ANTXR2: variants seen among roughly 807,000 people sequenced by gnomAD.
The protein encoded by ANTXR2 is anthrax toxin receptor 2.
ANTXR2 carries 44 observed loss-of-function variants against 73.7 expected under a neutral mutation model. That is an observed-to-expected ratio of 0.60 (90% CI 0.47 to 0.77). The LOEUF is 0.77. Among genes scored for constraint, ANTXR2 ranks in the 30% least tolerant of loss-of-function variants. ANTXR2 has a pLI of 0.00. For missense variants in ANTXR2, 604 were observed against 592.5 expected (o/e 1.02, Z -0.20); for synonymous variants, 217 against 205.9 (o/e 1.05, Z -0.46).
intron 10 of ANTXR2, chr4:80,024,852 T>C (rs954919912): frequency 3.6e-6 from 1 of 279,082 alleles, no homozygotes; most frequent in Non-Finnish European, 7.3e-6. Context: ...AGGGTGAGAA[T>C]ATGAAGTCAC....
intron 3 of ANTXR2, among the ~76,000 whole-genome samples, chr4:80,063,413 A>C (rs1734352335): frequency 2.1e-5 from 3 of 142,832 alleles, no homozygotes; most frequent in Admixed American, 2.1e-4. Context: ...TGATTCCAAG[A>C]TAGTAACATT....
At chr4:79,959,556 C>T (rs1729066930) in intron 16 of ANTXR2, among the ~76,000 whole-genome samples, 1 of 152,162 alleles carries the variant, frequency 6.6e-6, no homozygotes, top group African/African-American at 2.4e-5. Context: ...TATCTGATGG[C>T]ATAGGAGACT....
At chr4:80,030,570 A>C (rs887840640) in intron 10 of ANTXR2, among the ~76,000 whole-genome samples, 22 of 152,094 alleles carry the variant, frequency 1.4e-4, no homozygotes, top group African/African-American at 4.8e-4. Flanking sequence ...TAGTTTTGTA[A>C]GCCATCTTGT....
At chr4:79,950,245 A>G (rs1728656034) in intron 16 of ANTXR2, among the ~76,000 whole-genome samples, 1 of 152,162 alleles carries the variant, frequency 6.6e-6, no homozygotes, top group South Asian at 2.1e-4. Context: ...AATAGTTACT[A>G]TTTGTGCTAT....
chr4:80,011,292 T>TATCTATCTATCTGTCTATC (rs1215578054), intron 11 of ANTXR2, among the ~76,000 whole-genome samples: 2 of 151,698 alleles, frequency 1.3e-5, no homozygotes, highest in Admixed American at 6.6e-5. Flanking sequence ...TCTATCTATC[T>TATCTATCTATCTGTCTATC]ATCTATCTAT....
intron 11 of ANTXR2, among the ~76,000 whole-genome samples, chr4:80,015,908 AAGG>A (rs1468458959): frequency 4.1e-3 from 242 of 59,334 alleles, no homozygotes; most frequent in East Asian, 0.014. Context: ...AAGGAAAGGA[AAGG>A]AAAGGAAAGG....
intron 7 of ANTXR2, among the ~76,000 whole-genome samples, chr4:80,052,594 T>C (rs1291596987): frequency 2.0e-5 from 3 of 151,638 alleles, no homozygotes; most frequent in Admixed American, 1.3e-4. Context: ...TGTGAGCACA[T>C]AGCTGAAATT....
chr4:79,990,383 C>CA (rs70944757), intron 12 of ANTXR2, among the ~76,000 whole-genome samples: 11,208 of 76,836 alleles, frequency 0.15, 2,489 homozygotes, highest in African/African-American at 0.45. Context: ...ACAACAGTTA[C>CA]AAAAAAAAAA....
At chr4:80,028,065 G>A (rs1410930079) in intron 10 of ANTXR2, among the ~76,000 whole-genome samples, 1 of 151,982 alleles carries the variant, frequency 6.6e-6, no homozygotes, top group Non-Finnish European at 1.5e-5. Context: ...AGTAAACCGT[G>A]TTCATCCAAA....
At chr4:79,961,368 G>A (rs925415916) in intron 16 of ANTXR2, among the ~76,000 whole-genome samples, 9 of 151,858 alleles carry the variant, frequency 5.9e-5, no homozygotes, top group Non-Finnish European at 1.0e-4. Context: ...ACAGCCATAC[G>A]TTGAGCCTCA....
At chr4:79,950,704 T>C (rs1033214078) in intron 16 of ANTXR2, among the ~76,000 whole-genome samples, 21 of 152,200 alleles carry the variant, frequency 1.4e-4, no homozygotes, top group Admixed American at 8.5e-4. Context: ...GACCAGACTG[T>C]TCCTCAGTCC....
At chr4:80,025,991 A>G (rs1003773637) in intron 10 of ANTXR2, among the ~76,000 whole-genome samples, 23 of 152,140 alleles carry the variant, frequency 1.5e-4, no homozygotes, top group Non-Finnish European at 3.1e-4. Flanking sequence ...TGTGTTTTTT[A>G]ATAACATTCT....
At chr4:80,020,352 C>A (rs1038533554) in intron 10 of ANTXR2, among the ~76,000 whole-genome samples, 3 of 151,994 alleles carry the variant, frequency 2.0e-5, no homozygotes, top group Non-Finnish European at 4.4e-5. Flanking sequence ...AGCCACTGCA[C>A]TCCAGCTTCA....
chr4:79,952,075 C>T (rs1031529618), intron 16 of ANTXR2, among the ~76,000 whole-genome samples: 2 of 139,142 alleles, frequency 1.4e-5, no homozygotes, highest in Non-Finnish European at 3.2e-5. Context: ...TTATGCCTAT[C>T]ATGTCCTAAT....
chr4:79,948,834 A>G (rs1728603306), intron 16 of ANTXR2, among the ~76,000 whole-genome samples: 1 of 152,186 alleles, frequency 6.6e-6, no homozygotes, highest in African/African-American at 2.4e-5. Context: ...AAGTCTCTGT[A>G]GGTAACCTAG....
chr4:80,021,006 G>A (rs774699454), intron 10 of ANTXR2, among the ~76,000 whole-genome samples: 6 of 151,758 alleles, frequency 4.0e-5, no homozygotes, highest in South Asian at 2.1e-4. Context: ...AAAATTAGCC[G>A]GGCATGGTGG....
intron 16 of ANTXR2, among the ~76,000 whole-genome samples, chr4:79,933,371 T>C (rs1004597285): frequency 6.6e-6 from 1 of 152,210 alleles, no homozygotes; most frequent in Admixed American, 6.5e-5. Context: ...CTTTAATATA[T>C]AGGTATTTGT....
At chr4:79,990,606 A>G (rs1038560388) in intron 12 of ANTXR2, among the ~76,000 whole-genome samples, 1 of 152,006 alleles carries the variant, frequency 6.6e-6, no homozygotes, top group Non-Finnish European at 1.5e-5. Context: ...TATCAACATC[A>G]TTTTTCATAG....
At chr4:80,018,997 T>C in intron 10 of ANTXR2, 21 bp from the exon 11 acceptor site, 1 of 1,408,204 alleles carries the variant, frequency 7.1e-7, no homozygotes. Flanking sequence ...AAAGAAACAA[T>C]AATTTTATAT....
Sources: gnomAD v4.1 joint callset for allele counts (sites outside exome capture counted in the v4.1 genomes callset) on GRCh38, gnomAD v4.1.1 for gene constraint, MANE v1.5 for transcripts, NCBI Gene and HGNC (gene_info 2026-07-23, HGNC 2026-07-21) for gene names.